Variants in TPD52 observed in about 807,000 individuals in gnomAD.
TPD52 encodes the protein tumor protein D52, also known as prostate and colon associated protein.
Under a neutral mutation model 31.3 loss-of-function variants are expected in TPD52, and 17 were observed. The ratio of observed to expected loss-of-function variants is 0.54; its 90% confidence interval spans 0.37 to 0.82. TPD52 has a LOEUF of 0.82. Ranked by LOEUF, TPD52 falls within the 40% of genes least tolerant of loss-of-function variation. The probability of loss-of-function intolerance (pLI) is 0.00; values close to 1 mark genes in which losing one functional copy is unlikely to be tolerated. For synonymous variants in TPD52, 83 were observed against 89.6 expected, an observed-to-expected ratio of 0.93 and a Z score of 0.42; for missense variants, 212 against 240.1, an observed-to-expected ratio of 0.88 and a Z score of 0.77.
intron 7 of TPD52, among the ~76,000 whole-genome samples, chr8:80,038,452 TA>T (rs1386473465): frequency 2.6e-5 from 4 of 152,142 alleles, no homozygotes; most frequent in Non-Finnish European, 4.4e-5. Flanking sequence ...TTCAGATTGG[TA>T]AATTCTACCC....
intron 1 of TPD52, among the ~76,000 whole-genome samples, chr8:80,077,052 G>A (rs534850203): frequency 2.9e-3 from 438 of 152,128 alleles, no homozygotes; most frequent in South Asian, 6.4e-3. Context: ...CGAGGCAGGC[G>A]GATCACGAGG....
chr8:80,109,920 C>T (rs1301650246), intron 1 of TPD52, among the ~76,000 whole-genome samples: 1 of 152,162 alleles, frequency 6.6e-6, no homozygotes, highest in Non-Finnish European at 1.5e-5. Flanking sequence ...ACAAGAACTG[C>T]TCTGCTCCTG....
intron 1 of TPD52, among the ~76,000 whole-genome samples, chr8:80,118,429 T>C (rs974344089): frequency 6.6e-6 from 1 of 152,150 alleles, no homozygotes; most frequent in Non-Finnish European, 1.5e-5. Context: ...GATAGATAAA[T>C]TGGACATCAT....
chr8:80,042,197 G>GT (rs778809665), intron 7 of TPD52: 7 of 985,168 alleles, frequency 7.1e-6, no homozygotes, highest in Non-Finnish European at 7.2e-6. Context: ...TTTTTAAAGC[G>GT]TAACAGCATA....
chr8:80,087,861 G>A (rs1305153839), intron 1 of TPD52, among the ~76,000 whole-genome samples: 1 of 152,146 alleles, frequency 6.6e-6, no homozygotes, highest in Non-Finnish European at 1.5e-5. Flanking sequence ...TTCATTCCCC[G>A]ACACTGTGCC....
At chr8:80,061,228 G>C (rs1183407322) in intron 2 of TPD52, among the ~76,000 whole-genome samples, 25 of 151,926 alleles carry the variant, frequency 1.6e-4, no homozygotes, top group Non-Finnish European at 7.4e-5. Flanking sequence ...GCCGGGCGTA[G>C]TGGCACATTC....
At position 80,042,685 on chromosome 8, in the gene TPD52, AAAAC is replaced by A; in HGVS notation, c.456-21_456-18del. 3 of 1,601,652 alleles carry A rather than the reference AAAAC, an allele frequency of 1.9e-6. No homozygotes were observed. The highest frequency in any genetic ancestry group is 2.6e-6 in the Non-Finnish European group (3 of 1,174,982). ...GGGGAGTTTCTATGGAGAGAAAAGA[AAAAC>A]AAATAGTAAATACAAATACTGAAAA... On this transcript the variant is annotated intron_variant, in intron 6 of 7. Transcript: ENST00000518937.
At chr8:80,119,125 AC>A (rs1479456238) in intron 1 of TPD52, among the ~76,000 whole-genome samples, 3 of 152,220 alleles carry the variant, frequency 2.0e-5, no homozygotes, top group Non-Finnish European at 4.4e-5. Flanking sequence ...CCATGGATGA[AC>A]CCTGAAAACA....
At chr8:80,156,508 C>G (rs1287015722) in intron 1 of TPD52, among the ~76,000 whole-genome samples, 1 of 152,130 alleles carries the variant, frequency 6.6e-6, no homozygotes, top group Non-Finnish European at 1.5e-5. Flanking sequence ...AAAACCATCA[C>G]CAAGTCTTTG....
chr8:80,064,786 G>A (rs1382779763), intron 1 of TPD52, 193 bp from the exon 2 acceptor site: 10 of 692,192 alleles, frequency 1.4e-5, no homozygotes, highest in Non-Finnish European at 2.6e-5. Context: ...AAACTACCAA[G>A]TAGACTCTGC....
intron 2 of TPD52, among the ~76,000 whole-genome samples, chr8:80,057,284 T>C (rs567233002): frequency 6.6e-6 from 1 of 152,188 alleles, no homozygotes; most frequent in African/African-American, 2.4e-5. Flanking sequence ...TGGAACACAA[T>C]TTGGATACTT....
intron 1 of TPD52, among the ~76,000 whole-genome samples, chr8:80,126,469 A>G (rs1479544686): frequency 1.4e-5 from 2 of 147,704 alleles, no homozygotes; most frequent in African/African-American, 5.0e-5. Context: ...TTTGAAGATA[A>G]AAGTTTATAA....
chr8:80,154,211 T>C (rs1251756046), intron 1 of TPD52, among the ~76,000 whole-genome samples: 1 of 152,220 alleles, frequency 6.6e-6, no homozygotes, highest in Non-Finnish European at 1.5e-5. Flanking sequence ...GCAGGCAACT[T>C]GGTCAGGAGA....
At chr8:80,056,524 C>G (rs1811904561) in intron 2 of TPD52, among the ~76,000 whole-genome samples, 1 of 151,992 alleles carries the variant, frequency 6.6e-6, no homozygotes, top group African/African-American at 2.4e-5. Context: ...AAAGACAATC[C>G]AATTAGAAAA....
At chr8:80,081,727 T>TA (rs397791555) in intron 1 of TPD52, among the ~76,000 whole-genome samples, 5 of 152,072 alleles carry the variant, frequency 3.3e-5, no homozygotes, top group African/African-American at 4.8e-5. Flanking sequence ...TTTTTTTTTT[T>TA]AAATACAGAA....
chr8:80,136,485 C>A (rs1383833107), intron 1 of TPD52, among the ~76,000 whole-genome samples: 2 of 141,840 alleles, frequency 1.4e-5, no homozygotes, highest in Non-Finnish European at 3.0e-5. Flanking sequence ...GATCACGCCA[C>A]TGCACTCCAG....
chr8:80,086,741 G>T (rs1041405285), intron 1 of TPD52, among the ~76,000 whole-genome samples: 5 of 151,746 alleles, frequency 3.3e-5, no homozygotes, highest in Non-Finnish European at 7.4e-5. Context: ...GGTTGGGGGG[G>T]CACGTGCCTG....
intron 1 of TPD52, among the ~76,000 whole-genome samples, chr8:80,075,440 GA>G (rs1460390277): frequency 6.6e-6 from 1 of 152,296 alleles, no homozygotes; most frequent in Admixed American, 6.5e-5. Context: ...CCCCACCCAA[GA>G]CAGAAGGTTA....
intron 2 of TPD52, among the ~76,000 whole-genome samples, chr8:80,057,843 A>T (rs1000130481): frequency 1.3e-5 from 2 of 152,216 alleles, no homozygotes; most frequent in Admixed American, 1.3e-4. Context: ...AAAATGTTTT[A>T]AAAGGGACTA....
Sources: allele counts gnomAD v4.1 joint callset (sites outside exome capture counted in the v4.1 genomes callset), GRCh38; gene constraint gnomAD v4.1.1; transcripts MANE v1.5; gene names NCBI Gene and HGNC (gene_info 2026-07-23, HGNC 2026-07-21).